SDCCAG8: variants seen among roughly 807,000 people sequenced by gnomAD.
SDCCAG8 encodes serologically defined colon cancer antigen 8.
A neutral mutation model predicts 101.8 loss-of-function variants in SDCCAG8; 74 were observed. That is an observed-to-expected ratio of 0.73 (90% CI 0.60 to 0.88). The LOEUF (loss-of-function observed/expected upper bound fraction) is 0.88, where lower values mean the gene tolerates loss of function less well. Ranked by LOEUF, SDCCAG8 falls within the 40% of genes least tolerant of loss-of-function variation. The probability of loss-of-function intolerance (pLI) is 0.00; values close to 1 mark genes in which losing one functional copy is unlikely to be tolerated. For synonymous variants in SDCCAG8, 281 were observed against 292.9 expected (o/e 0.96, Z 0.41); for missense variants, 787 against 822.6 (o/e 0.96, Z 0.53).
intron 13 of SDCCAG8, among the ~76,000 whole-genome samples, chr1:243,382,656 C>T (rs1205611409): frequency 6.6e-6 from 1 of 152,086 alleles, no homozygotes; most frequent in Admixed American, 6.5e-5. Context: ...TGAATAATGA[C>T]AGATTCAAAT....
At chr1:243,369,580 G>A (rs1266829347) in intron 12 of SDCCAG8, among the ~76,000 whole-genome samples, 9 of 152,128 alleles carry the variant, frequency 5.9e-5, no homozygotes, top group Admixed American at 5.9e-4. Context: ...GTACCACATA[G>A]CAGGGTGATA....
chr1:243,321,194 C>G (rs2073727380), intron 9 of SDCCAG8, among the ~76,000 whole-genome samples: 1 of 152,024 alleles, frequency 6.6e-6, no homozygotes. Flanking sequence ...ATTTGAGAAC[C>G]ACTACTTATA....
chr1:243,409,479 G>A (rs767222395), intron 13 of SDCCAG8, among the ~76,000 whole-genome samples: 3 of 152,100 alleles, frequency 2.0e-5, no homozygotes, highest in Non-Finnish European at 4.4e-5. Flanking sequence ...CAATGATTTT[G>A]CAGTAGCAGT....
At position 243,418,056 on chromosome 1, in the gene SDCCAG8, AC is replaced by A; in HGVS notation, c.1834del (p.Gln612LysfsTer10). On this transcript the variant is annotated frameshift_variant, in exon 15 of 18. Coordinates refer to ENST00000366541, the MANE Select transcript of SDCCAG8 (RefSeq NM_006642.5). LOFTEE classifies it high-confidence loss of function. ...ECCTLAKKLE[Q>X]ISQKTRSEIA... ...GCTGTACATTAGCCAAGAAACTGGA[AC>A]AAATCTCTCAAAAAACCAGGTAGGT... 1 of 1,612,126 alleles carries A rather than the reference AC, an allele frequency of 6.2e-7. No individual in the cohort carries two copies. The highest frequency in any genetic ancestry group is 8.5e-7 in the Non-Finnish European group (1 of 1,178,490).
intron 12 of SDCCAG8, among the ~76,000 whole-genome samples, chr1:243,347,790 A>T (rs975316738): frequency 6.6e-6 from 1 of 152,154 alleles, no homozygotes; most frequent in East Asian, 1.9e-4. Context: ...AGTGATGCAG[A>T]AATAGAGTTT....
intron 13 of SDCCAG8, among the ~76,000 whole-genome samples, chr1:243,408,995 T>C (rs1427621393): frequency 6.6e-6 from 1 of 152,190 alleles, no homozygotes; most frequent in Non-Finnish European, 1.5e-5. Context: ...AGGTGGTAGA[T>C]GCCATACTCT....
chr1:243,443,956 C>G (rs912403188), intron 16 of SDCCAG8, among the ~76,000 whole-genome samples: 3 of 152,110 alleles, frequency 2.0e-5, no homozygotes, highest in Non-Finnish European at 2.9e-5. Context: ...TCTTGGAACT[C>G]TTGGAATAGC....
chr1:243,308,725 G>A (rs1001653653), intron 8 of SDCCAG8, among the ~76,000 whole-genome samples: 5 of 152,152 alleles, frequency 3.3e-5, no homozygotes, highest in Non-Finnish European at 5.9e-5. Context: ...CCAAGTTTTC[G>A]TCTAAGCTGA....
At chr1:243,345,826 A>G (rs1285281487) in intron 12 of SDCCAG8, among the ~76,000 whole-genome samples, 1 of 152,248 alleles carries the variant, frequency 6.6e-6, no homozygotes, top group Non-Finnish European at 1.5e-5. Context: ...TCTCATTTTA[A>G]TTAATCCGTG....
At chr1:243,380,864 A>T (rs1232344829) in intron 13 of SDCCAG8, among the ~76,000 whole-genome samples, 1 of 152,182 alleles carries the variant, frequency 6.6e-6, no homozygotes, top group Non-Finnish European at 1.5e-5. Context: ...AAATGCAAGG[A>T]ACTGTGTATA....
intron 11 of SDCCAG8, among the ~76,000 whole-genome samples, chr1:243,342,716 G>A (rs185439856): frequency 3.2e-4 from 49 of 152,080 alleles, no homozygotes; most frequent in African/African-American, 1.1e-3. Context: ...CTCTGAATTT[G>A]TAATTTTTAT....
Position 243,484,318 on chromosome 1 carries a change from C to T in SDCCAG8, c.1986-4696C>T, listed in dbSNP as rs540497283. 8.1e-4 allele frequency among the ~76,000 whole-genome samples: 124 copies of T among 152,344 alleles called. 5 individuals carry two copies. In the South Asian group the frequency reaches 0.023, roughly 29 times the overall value. ...CGCATTGGCCTTTGCAGTGCGGCCC[C>T]GAAGTGGGAAGGCCCCGCCCCTGGC... On this transcript the variant is annotated intron_variant, in intron 16 of 17. Coordinates refer to ENST00000366541, the MANE Select transcript of SDCCAG8 (RefSeq NM_006642.5).
intron 4 of SDCCAG8, among the ~76,000 whole-genome samples, chr1:243,283,259 G>A (rs577785232): frequency 6.6e-6 from 1 of 151,852 alleles, no homozygotes; most frequent in African/African-American, 2.4e-5. Context: ...GTATTTTTGG[G>A]GGGTATTTAT....
At chr1:243,481,474 T>C (rs1308914963) in intron 16 of SDCCAG8, among the ~76,000 whole-genome samples, 1 of 152,170 alleles carries the variant, frequency 6.6e-6, no homozygotes, top group East Asian at 1.9e-4. Flanking sequence ...AATTAGGGAA[T>C]GTAAAATGCT....
chr1:243,389,126 G>A lies in SDCCAG8; in HGVS notation c.1616+10263G>A, dbSNP rs144984061. ...ATTGCCATCGCACTCCAGCCTGGGC[G>A]ACAGAGCGAGACTCTGTCCCCCCTC... is the stretch of plus-strand genomic sequence containing the variant. On this transcript the variant is annotated intron_variant, in intron 13 of 17. Transcript: ENST00000366541. Among the ~76,000 whole-genome samples the A allele has an allele frequency of 5.2e-3, 778 of 150,972 alleles. 13 individuals carry two copies. The highest frequency in any genetic ancestry group is 0.017 in the African/African-American group (686 of 40,952).
chr1:243,455,838 A>G (rs528544916), intron 16 of SDCCAG8, among the ~76,000 whole-genome samples: 3 of 152,280 alleles, frequency 2.0e-5, no homozygotes, highest in Non-Finnish European at 2.9e-5. Context: ...CTTTATTAGA[A>G]CCCTCTGTGT....
intron 12 of SDCCAG8, 94 bp downstream of exon 12, chr1:243,344,425 T>C: frequency 9.9e-7 from 1 of 1,009,440 alleles, no homozygotes. Flanking sequence ...TATTTATTTG[T>C]ATTGTTTCTA....
At chr1:243,262,164 TG>T (rs1019898951) in intron 1 of SDCCAG8, among the ~76,000 whole-genome samples, 2 of 143,998 alleles carry the variant, frequency 1.4e-5, no homozygotes, top group Non-Finnish European at 3.1e-5. Context: ...TGGAGTGCAG[TG>T]ATGTGATCTT....
chr1:243,327,960 T>C (rs1431176703), intron 9 of SDCCAG8, among the ~76,000 whole-genome samples: 1 of 152,198 alleles, frequency 6.6e-6, no homozygotes, highest in Non-Finnish European at 1.5e-5. Context: ...TGTAGTGCAG[T>C]GGTGCGATCT....
Sources: gnomAD v4.1 joint callset for allele counts (sites outside exome capture counted in the v4.1 genomes callset) on GRCh38, gnomAD v4.1.1 for gene constraint, MANE v1.5 for transcripts, NCBI Gene and HGNC (gene_info 2026-07-23, HGNC 2026-07-21) for gene names.